Variants in FBN2 observed in about 807,000 individuals in gnomAD.
FBN2 encodes the protein fibrillin 2.
In FBN2, 105 loss-of-function variants were observed where a neutral mutation model predicts 355.6. The ratio of observed to expected loss-of-function variants is 0.30; its 90% CI spans 0.25 to 0.35. FBN2 has a LOEUF of 0.35. FBN2 is among the 10% of genes least tolerant of loss of function. The probability of loss-of-function intolerance (pLI) is 1.00; values close to 1 mark genes in which losing one functional copy is unlikely to be tolerated. For missense variants in FBN2, 3,280 were observed against 3,758.7 expected (o/e 0.87, Z 3.33); for synonymous variants, 1,350 against 1,301.2 (o/e 1.04, Z -0.81).
At position 128,326,121 on chromosome 5, in the gene FBN2, CA is replaced by C. The variant is rs372173167; in HGVS notation, c.4471+2574del. Reference sequence around the variant, plus strand: ...TGCCTGCATAGTTGCTACTGTTTTTCAGCTTGTATAGACACTACTTTGTCTG... The same window carrying C: ...TGCCTGCATAGTTGCTACTGTTTTTCGCTTGTATAGACACTACTTTGTCTG... On this transcript the variant is annotated intron_variant, in intron 34 of 64. Transcript: ENST00000262464. Among the ~76,000 whole-genome samples the C allele has an allele frequency of 2.6e-3, 400 of 152,230 alleles. 2 individuals carry two copies. The highest frequency in any genetic ancestry group is 9.2e-3 in the African/African-American group (383 of 41,558).
rs570260689 is a variant in FBN2 at position 128,537,363 on chromosome 5, C to T, written c.241G>A (p.Asp81Asn). Residue 81 changes from aspartate to asparagine, a missense_variant, in exon 1 of 65, where the codon GAC becomes AAC. Physicochemically the swap from Asp to Asn is conservative, Grantham distance 23. This residue lies in a region of FBN2 where 203 missense variants were observed against 142.2 expected (regional missense o/e 1.43). Coordinates refer to ENST00000262464, the MANE Select transcript of FBN2 (RefSeq NM_001999.4). ...ASRVRRRGQQ[D>N]VLRGPNVCGS... ...TTGCCCACTTACCCTCGGAGCACGT[C>T]CTGCTGTCCTCGCCGGCGGACGCGG... The T allele has an allele frequency of 6.2e-7, 1 of 1,610,870 alleles. No homozygotes were observed. The highest frequency in any genetic ancestry group is 1.3e-5 in the African/African-American group (1 of 75,066).
At position 128,274,699 on chromosome 5, in the gene FBN2, A is replaced by C. The variant is rs746723244; in HGVS notation, c.7595-16T>G. On this transcript the variant is annotated splice_polypyrimidine_tract_variant and intron_variant, in intron 59 of 64. Coordinates refer to ENST00000262464, the MANE Select transcript of FBN2 (RefSeq NM_001999.4). ...TCATCAAGGTCTGAAATTAGAGAGA[A>C]GCCAGTGAAAATCACAGTAGACTAT... The C allele has an allele frequency of 1.4e-6, 2 of 1,475,602 alleles. No individual in the cohort carries two copies. Among genetic ancestry groups the C allele is most frequent in the Admixed American group, 3.3e-5 (2 of 59,786 alleles). The allele number at this position is 1,475,602 out of a possible 1,614,324, so 91.4% of individuals were successfully genotyped here.
chr5:128,325,365 C>T (rs758544746), intron 34 of FBN2, among the ~76,000 whole-genome samples: 10 of 152,182 alleles, frequency 6.6e-5, no homozygotes, highest in Non-Finnish European at 1.2e-4. Context: ...ATGTAATGCC[C>T]TTCTTTGTCT....
intron 2 of FBN2, among the ~76,000 whole-genome samples, chr5:128,533,911 T>G (rs1418580874): frequency 6.6e-6 from 1 of 151,542 alleles, no homozygotes; most frequent in Non-Finnish European, 1.5e-5. Context: ...GAAATGAATA[T>G]TTGGAAGTTT....
chr5:128,464,476 T>G (rs1356404027), intron 6 of FBN2, among the ~76,000 whole-genome samples: 1 of 152,196 alleles, frequency 6.6e-6, no homozygotes, highest in East Asian at 1.9e-4. Flanking sequence ...TATTAAATAT[T>G]TTACACTGTA....
chr5:128,390,089 CTAGA>C (rs1476384634), intron 11 of FBN2, among the ~76,000 whole-genome samples: 1 of 152,122 alleles, frequency 6.6e-6, no homozygotes, highest in Non-Finnish European at 1.5e-5. Context: ...GATCCTGCTG[CTAGA>C]TTGGATATTC....
At position 128,274,623 on chromosome 5, in the gene FBN2, C is replaced by A; in HGVS notation, c.7655G>T (p.Gly2552Val). 6.2e-7 allele frequency: 1 copy of A among 1,613,536 alleles called. No individual in the cohort carries two copies. The highest frequency in any genetic ancestry group is 2.2e-5 in the East Asian group (1 of 44,862). ...NCQFLCVNTL[G>V]GFTCKCPPGF... ...AGGTGGACATTTACAGGTAAACCCC[C>A]CCAGGGTGTTGACACAGAGGAACTG... Residue 2552 changes from glycine to valine, a missense_variant, in exon 60 of 65, where the codon GGG (glycine) becomes GTG (valine). Gly to Val is a moderately radical substitution (Grantham distance 109). Coordinates refer to ENST00000262464, the MANE Select transcript of FBN2 (RefSeq NM_001999.4).
At chr5:128,324,785 CTT>C (rs537071252) in intron 34 of FBN2, among the ~76,000 whole-genome samples, 2 of 151,700 alleles carry the variant, frequency 1.3e-5, no homozygotes, top group Non-Finnish European at 2.9e-5. Flanking sequence ...GCCCGGCTAA[CTT>C]TTTTTGTATT....
chr5:128,533,506 G>C (rs1756762547), intron 2 of FBN2, among the ~76,000 whole-genome samples: 1 of 152,196 alleles, frequency 6.6e-6, no homozygotes, highest in Non-Finnish European at 1.5e-5. Context: ...ATACCAGAGG[G>C]AGAGGGAGAC....
chr5:128,441,785 CAT>C (rs570329613), intron 7 of FBN2, among the ~76,000 whole-genome samples: 213 of 152,168 alleles, frequency 1.4e-3, no homozygotes, highest in Non-Finnish European at 2.7e-3. Context: ...AGAGGGAATA[CAT>C]ATGTTTTAAC....
chr5:128,517,039 C>G (rs1304802066), intron 5 of FBN2, among the ~76,000 whole-genome samples: 1 of 152,000 alleles, frequency 6.6e-6, no homozygotes, highest in Non-Finnish European at 1.5e-5. Context: ...AAAAAATATC[C>G]CAAGGGTAAT....
chr5:128,430,155 C>T (rs575969595), intron 7 of FBN2, among the ~76,000 whole-genome samples: 1 of 151,954 alleles, frequency 6.6e-6, no homozygotes, highest in South Asian at 2.1e-4. Context: ...AGTCATTTGC[C>T]TTAAATATTA....
chr5:128,280,297 T>C lies in FBN2; in HGVS notation c.7033A>G (p.Lys2345Glu), dbSNP rs1464960068. Residue 2345 changes from lysine (K) to glutamate (E), a missense_variant, in exon 56 of 65, where the codon AAG becomes GAG. Transcript: ENST00000262464. Reference sequence around the variant, plus strand: ...CGTCCATTTTCACAGATTCCTGGCTTGGTCCTGCATTCATTTTCATCTTTA... The same window carrying C: ...CGTCCATTTTCACAGATTCCTGGCTCGGTCCTGCATTCATTTTCATCTTTA... ...GCVDENECRT[K>E]PGICENGRCV... is the part of the protein sequence containing the mutation. The C allele has an allele frequency of 3.1e-6, 5 of 1,611,202 alleles. No individual in the cohort carries two copies. The highest frequency in any genetic ancestry group is 3.3e-5 in the Admixed American group (2 of 60,004).
intron 22 of FBN2, 28 bp downstream of exon 22, chr5:128,349,927 A>G (rs375142388): frequency 9.1e-5 from 142 of 1,553,224 alleles, no homozygotes; most frequent in Non-Finnish European, 1.2e-4. Flanking sequence ...AAAGATGTAT[A>G]GTATCTTCCA....
chr5:128,277,804 C>T (rs1198738632), intron 58 of FBN2, 76 bp downstream of exon 58: 1 of 1,457,622 alleles, frequency 6.9e-7, no homozygotes. Context: ...AGACACTCTA[C>T]TGATAATGAG....
At chr5:128,412,606 G>A (rs1753100194) in intron 7 of FBN2, among the ~76,000 whole-genome samples, 1 of 152,150 alleles carries the variant, frequency 6.6e-6, no homozygotes, top group Non-Finnish European at 1.5e-5. Context: ...AAACAGCATG[G>A]GCAACTGGGT....
Position 128,309,251 on chromosome 5 carries a change from T to C in FBN2, c.5349A>G (p.Gly1783=). 6 of 1,614,070 alleles carry C rather than the reference T, an allele frequency of 3.7e-6. No individual in the cohort carries two copies. Among genetic ancestry groups the C allele is most frequent in the Non-Finnish European group, 5.1e-6 (6 of 1,179,944 alleles). ...NKPCEPCPTP[G]TADFKTICGN... ...ATGCACGAGCCGTGTGCTTACCTGT[T>C]CCTGGAGTTGGGCATGGTTCACAAG... Residue 1783 remains glycine (G), a synonymous_variant, in exon 41 of 65, where the codon GGA becomes GGG. Transcript: ENST00000262464.
At chr5:128,399,679 T>G (rs1215146491) in intron 8 of FBN2, among the ~76,000 whole-genome samples, 1 of 151,974 alleles carries the variant, frequency 6.6e-6, no homozygotes, top group Admixed American at 6.6e-5. Flanking sequence ...TTTAAAAAGT[T>G]GTGAGGGGAA....
chr5:128,273,703 C>G (rs1765318371), intron 61 of FBN2, 137 bp downstream of exon 61: 3 of 841,854 alleles, frequency 3.6e-6, no homozygotes, highest in Non-Finnish European at 5.8e-6. Flanking sequence ...AATTTATGAC[C>G]AGGAATAAGT....
Sources: allele counts gnomAD v4.1 joint callset (sites outside exome capture counted in the v4.1 genomes callset), GRCh38; gene constraint gnomAD v4.1.1; regional missense constraint gnomAD v4.1.1; transcripts MANE v1.5; gene names NCBI Gene and HGNC (gene_info 2026-07-23, HGNC 2026-07-21).